CTDSPL2: variants seen among roughly 807,000 people sequenced by gnomAD.
The protein encoded by CTDSPL2 is CTD small phosphatase like 2.
A neutral mutation model predicts 60.0 loss-of-function variants in CTDSPL2; 5 were observed. The observed-to-expected ratio is 0.08, with a 90% CI of 0.04 to 0.18. CTDSPL2 has a LOEUF of 0.18. Ranked by LOEUF, CTDSPL2 falls within the 10% of genes least tolerant of loss-of-function variation. The pLI is 1.00. For missense variants in CTDSPL2, 370 were observed against 548.8 expected (o/e 0.67, Z 3.26); for synonymous variants, 186 against 189.3 (o/e 0.98, Z 0.14).
chr15:44,490,952 TAGAAGAAGC>T lies in CTDSPL2; in HGVS notation c.652_660del (p.Ala218_Glu220del). 1 of 1,614,112 alleles carries T rather than the reference TAGAAGAAGC, an allele frequency of 6.2e-7. No homozygotes were observed. Among genetic ancestry groups the T allele is most frequent in the Non-Finnish European group, 8.5e-7 (1 of 1,179,992 alleles). On this transcript the variant is annotated inframe_deletion, in exon 5 of 13. Coordinates refer to ENST00000260327, the MANE Select transcript of CTDSPL2 (RefSeq NM_016396.3). ...GTGAGACCATCACTAAACAATGGTT[TAGAAGAAGC>T]AGAAGAAACAGTTAATCGTGATATC...
At chr15:44,465,879 A>T (rs760910380) in intron 2 of CTDSPL2, among the ~76,000 whole-genome samples, 1 of 149,222 alleles carries the variant, frequency 6.7e-6, no homozygotes, top group East Asian at 2.0e-4. Flanking sequence ...ATGCCTGGCT[A>T]ATTTTTTGTA....
Position 44,459,107 on chromosome 15 carries a change from T to C in CTDSPL2, c.93T>C (p.Asp31=). The C allele has an allele frequency of 6.2e-7, 1 of 1,613,360 alleles. No individual in the cohort carries two copies. The highest frequency in any genetic ancestry group is 8.5e-7 in the Non-Finnish European group (1 of 1,179,600). Residue 31 remains aspartate, a synonymous_variant, in exon 2 of 13, where the codon GAT becomes GAC. Transcript: ENST00000260327. The stretch of plus-strand genomic sequence containing the variant: ...CAAAGAGGAAATATTCAGAGGTTGA[T>C]GATAGCCTGCCTTCAGGAGGAGAAA... ...ARAKRKYSEV[D]DSLPSGGEKP...
intron 8 of CTDSPL2, among the ~76,000 whole-genome samples, chr15:44,510,706 G>T (rs2081551400): frequency 6.6e-6 from 1 of 152,138 alleles, no homozygotes; most frequent in Non-Finnish European, 1.5e-5. Flanking sequence ...CTTTGTATGA[G>T]AGTAAAATTA....
chr15:44,500,268 T>C (rs931612737), intron 8 of CTDSPL2, among the ~76,000 whole-genome samples: 1 of 152,242 alleles, frequency 6.6e-6, no homozygotes, highest in Non-Finnish European at 1.5e-5. Context: ...ATAATTAATC[T>C]TAGAATTCCA....
chr15:44,521,255 C>G (rs779040005), intron 11 of CTDSPL2, 56 bp from the exon 12 acceptor site: 32 of 875,656 alleles, frequency 3.7e-5, no homozygotes, highest in Non-Finnish European at 5.7e-5. Context: ...TTAACTTTTT[C>G]CAAACTAGGT....
At chr15:44,455,703 GT>G (rs2080420996) in intron 1 of CTDSPL2, among the ~76,000 whole-genome samples, 2 of 152,200 alleles carry the variant, frequency 1.3e-5, no homozygotes, top group Non-Finnish European at 2.9e-5. Flanking sequence ...CTTTGGTTCT[GT>G]TTATATGCTG....
rs187531720 is a variant in CTDSPL2, at chr15:44,464,188, T to C, written c.186+4988T>C. On this transcript the variant is annotated intron_variant, in intron 2 of 12. Transcript: ENST00000260327. ...CTACGCCCGCAACAGCTCTTACTTA[T>C]GGTTAGTAAGCAGTTACTATTTGCC... Among the ~76,000 whole-genome samples, 401 of 152,286 alleles carry C rather than the reference T, an allele frequency of 2.6e-3. 9 individuals carry two copies. The highest frequency in any genetic ancestry group is 0.024 in the Admixed American group (368 of 15,282).
intron 2 of CTDSPL2, among the ~76,000 whole-genome samples, chr15:44,481,865 G>T (rs1272317020): frequency 6.6e-6 from 1 of 152,132 alleles, no homozygotes; most frequent in Non-Finnish European, 1.5e-5. Context: ...CAGCCACAGC[G>T]CCCGGCCTAT....
chr15:44,474,658 C>G (rs932229257), intron 2 of CTDSPL2, among the ~76,000 whole-genome samples: 2 of 152,012 alleles, frequency 1.3e-5, no homozygotes, highest in African/African-American at 4.8e-5. Flanking sequence ...GAGTTCGAGA[C>G]CAGCCTGGCC....
intron 1 of CTDSPL2, among the ~76,000 whole-genome samples, chr15:44,453,210 G>A (rs951136225): frequency 1.3e-5 from 2 of 152,112 alleles, no homozygotes; most frequent in African/African-American, 4.8e-5. Context: ...GGCCGTCCTT[G>A]TCTTGTTCCT....
chr15:44,478,984 A>T (rs1039103735), intron 2 of CTDSPL2, among the ~76,000 whole-genome samples: 6 of 151,444 alleles, frequency 4.0e-5, no homozygotes, highest in African/African-American at 9.7e-5. Context: ...AAATAATAAA[A>T]CGTGTCTTGA....
intron 2 of CTDSPL2, among the ~76,000 whole-genome samples, chr15:44,476,427 T>C (rs2080917081): frequency 6.6e-6 from 1 of 152,148 alleles, no homozygotes; most frequent in Non-Finnish European, 1.5e-5. Flanking sequence ...ACTTAAAATT[T>C]AGAAGTAAAT....
At chr15:44,506,250 G>GA (rs2081461167) in intron 8 of CTDSPL2, among the ~76,000 whole-genome samples, 1 of 151,088 alleles carries the variant, frequency 6.6e-6, no homozygotes. Flanking sequence ...GGCTGGTCTT[G>GA]AACTCCTCAC....
chr15:44,457,666 CT>C (rs1468954656), intron 1 of CTDSPL2, among the ~76,000 whole-genome samples: 1 of 152,144 alleles, frequency 6.6e-6, no homozygotes, highest in African/African-American at 2.4e-5. Context: ...AGCTGGAGTG[CT>C]ATAGTGTGAT....
chr15:44,519,224 T>C lies in CTDSPL2; in HGVS notation c.1168T>C (p.Leu390=), dbSNP rs1294556056. ...VCVQGNYIKD[L]NILGRDLSKT... is the part of the protein sequence containing the mutation. ...TGTACAAGGAAACTATATAAAGGAC[T>C]TAAATATTCTTGGAAGAGATCTTTC... Residue 390 remains leucine, a synonymous_variant, in exon 11 of 13, where the codon TTA becomes CTA. Coordinates refer to ENST00000260327, the MANE Select transcript of CTDSPL2 (RefSeq NM_016396.3). 4 of 1,573,728 alleles carry C rather than the reference T, an allele frequency of 2.5e-6. No homozygotes were observed. Among genetic ancestry groups the C allele is most frequent in the Non-Finnish European group, 3.4e-6 (4 of 1,165,664 alleles).
intron 2 of CTDSPL2, among the ~76,000 whole-genome samples, chr15:44,462,737 T>A (rs1010115504): frequency 6.8e-6 from 1 of 147,650 alleles, no homozygotes; most frequent in East Asian, 2.0e-4. Flanking sequence ...GACGGAGTCT[T>A]GGTCTGTTGC....
At chr15:44,435,134 C>T (rs1003363931) in intron 1 of CTDSPL2, among the ~76,000 whole-genome samples, 2 of 151,690 alleles carry the variant, frequency 1.3e-5, no homozygotes, top group Non-Finnish European at 2.9e-5. Context: ...GTGGTGTGCA[C>T]CTGTAATCCC....
At chr15:44,474,805 A>G (rs1194151406) in intron 2 of CTDSPL2, among the ~76,000 whole-genome samples, 1 of 152,062 alleles carries the variant, frequency 6.6e-6, no homozygotes. Context: ...GCAGTGAGCC[A>G]AAATCACTCC....
At position 44,459,114 on chromosome 15, in the gene CTDSPL2, C is replaced by T; in HGVS notation, c.100C>T (p.Leu34=). 1 of 1,613,166 alleles carries T rather than the reference C, an allele frequency of 6.2e-7. No homozygotes were observed. ...GAAATATTCAGAGGTTGATGATAGC[C>T]TGCCTTCAGGAGGAGAAAAACCATC... ...KRKYSEVDDS[L]PSGGEKPSKN... The change falls in exon 2 of 13, where the codon CTG becomes TTG. Residue 34 remains leucine (L), a synonymous_variant. Transcript: ENST00000260327.
Sources: allele counts gnomAD v4.1 joint callset (sites outside exome capture counted in the v4.1 genomes callset), GRCh38; gene constraint gnomAD v4.1.1; transcripts MANE v1.5; gene names NCBI Gene and HGNC (gene_info 2026-07-23, HGNC 2026-07-21).